FCHO2: variants seen among roughly 807,000 people sequenced by gnomAD.
FCHO2 encodes FCH and mu domain containing endocytic adaptor 2.
Under a neutral mutation model 114.1 loss-of-function variants are expected in FCHO2, and 43 were observed. That is an observed-to-expected ratio of 0.38 (90% CI 0.30 to 0.49). The LOEUF is 0.49. Ranked by LOEUF, FCHO2 falls within the 20% of genes least tolerant of loss-of-function variation. The pLI is 0.97. For synonymous variants in FCHO2, 293 were observed against 315.2 expected (o/e 0.93, Z 0.75); for missense variants, 807 against 950.4 (o/e 0.85, Z 1.98).
intron 2 of FCHO2, 144 bp downstream of exon 2, chr5:72,968,733 GTATC>G: frequency 1.6e-6 from 1 of 608,882 alleles, no homozygotes. Context: ...CTATCTATTT[GTATC>G]TATCATCTAC....
chr5:73,080,088 G>T (rs1743042358), intron 22 of FCHO2, among the ~76,000 whole-genome samples: 1 of 152,138 alleles, frequency 6.6e-6, no homozygotes, highest in East Asian at 1.9e-4. Flanking sequence ...TGTGGGAAAA[G>T]TATTTACGAC....
At chr5:73,080,932 G>T (rs980336407) in intron 22 of FCHO2, among the ~76,000 whole-genome samples, 1 of 152,002 alleles carries the variant, frequency 6.6e-6, no homozygotes, top group African/African-American at 2.4e-5. Flanking sequence ...GCAATAAAAA[G>T]AAACCCCATC....
intron 1 of FCHO2, among the ~76,000 whole-genome samples, chr5:72,956,591 C>T (rs1751558187): frequency 6.6e-6 from 1 of 152,168 alleles, no homozygotes; most frequent in Non-Finnish European, 1.5e-5. Flanking sequence ...CTGAGCGATC[C>T]CTTTTACCTC....
At chr5:72,986,643 A>G (rs1480640617) in intron 2 of FCHO2, among the ~76,000 whole-genome samples, 1 of 152,162 alleles carries the variant, frequency 6.6e-6, no homozygotes, top group African/African-American at 2.4e-5. Flanking sequence ...TGTGTCAATA[A>G]TCTTATTCAC....
chr5:73,017,426 G>A (rs1755364662), intron 8 of FCHO2, 118 bp downstream of exon 8: 2 of 524,194 alleles, frequency 3.8e-6, no homozygotes, highest in Non-Finnish European at 6.3e-6. Flanking sequence ...CATATCTGAA[G>A]TTAAAAATAT....
At chr5:73,004,870 AT>A (rs1754634333) in intron 5 of FCHO2, among the ~76,000 whole-genome samples, 1 of 152,196 alleles carries the variant, frequency 6.6e-6, no homozygotes, top group South Asian at 2.1e-4. Context: ...ACTGTGCCTA[AT>A]TTATAAATTA....
At chr5:72,984,389 G>C (rs1753392144) in intron 2 of FCHO2, among the ~76,000 whole-genome samples, 1 of 152,068 alleles carries the variant, frequency 6.6e-6, no homozygotes, top group African/African-American at 2.4e-5. Context: ...AAGTTTGTTG[G>C]CTTCATAAAA....
intron 22 of FCHO2, among the ~76,000 whole-genome samples, chr5:73,080,004 G>A (rs1743039213): frequency 6.6e-6 from 1 of 152,206 alleles, no homozygotes; most frequent in South Asian, 2.1e-4. Context: ...AGAAGAGAAT[G>A]AGATATTTGA....
chr5:73,005,490 T>TA (rs1754666663), intron 5 of FCHO2, among the ~76,000 whole-genome samples: 1 of 152,184 alleles, frequency 6.6e-6, no homozygotes, highest in African/African-American at 2.4e-5. Context: ...ACCCATCTGT[T>TA]ACCTCGTCAA....
chr5:73,046,566 TA>T (rs1269644563), intron 11 of FCHO2, among the ~76,000 whole-genome samples: 1 of 152,208 alleles, frequency 6.6e-6, no homozygotes, highest in Non-Finnish European at 1.5e-5. Context: ...TCTGGGAGAC[TA>T]AATACCTGGT....
At chr5:72,983,248 G>A (rs1420714952) in intron 2 of FCHO2, among the ~76,000 whole-genome samples, 1 of 152,112 alleles carries the variant, frequency 6.6e-6, no homozygotes, top group African/African-American at 2.4e-5. Context: ...GGATACATGT[G>A]CAGAATGTGC....
chr5:73,006,340 T>C, intron 5 of FCHO2, 105 bp from the exon 6 acceptor site: 2 of 644,366 alleles, frequency 3.1e-6, no homozygotes, highest in East Asian at 3.4e-5. Flanking sequence ...ATATGTCATA[T>C]TGAACTCTTA....
At chr5:73,068,542 A>T in intron 18 of FCHO2, 108 bp from the exon 19 acceptor site, 1 of 1,119,896 alleles carries the variant, frequency 8.9e-7, no homozygotes, top group Non-Finnish European at 1.3e-6. Flanking sequence ...CAAGAAACTC[A>T]CACAGTAAAT....
intron 2 of FCHO2, among the ~76,000 whole-genome samples, chr5:72,982,921 C>CT (rs1246752833): frequency 2.2e-4 from 29 of 132,598 alleles, no homozygotes; most frequent in African/African-American, 2.7e-4. Context: ...GCATTTGTTC[C>CT]TTTTTTTTTT....
chr5:73,041,762 TGTTTTATTTTAAAGAAGG>T (rs1416690584), intron 11 of FCHO2, among the ~76,000 whole-genome samples: 2 of 152,130 alleles, frequency 1.3e-5, no homozygotes, highest in Non-Finnish European at 2.9e-5. Flanking sequence ...CTGTGCTTTT[TGTTTTATTTTAAAGAAGG>T]GTTGCTTATA....
At chr5:73,018,527 T>C (rs1209413981) in intron 8 of FCHO2, among the ~76,000 whole-genome samples, 4 of 151,616 alleles carry the variant, frequency 2.6e-5, no homozygotes, top group Admixed American at 2.0e-4. Flanking sequence ...TTTCTTCTTT[T>C]TTTTTTTTTT....
At chr5:73,027,891 A>G (rs1241438311) in intron 8 of FCHO2, among the ~76,000 whole-genome samples, 1 of 152,150 alleles carries the variant, frequency 6.6e-6, no homozygotes, top group Non-Finnish European at 1.5e-5. Context: ...ATAGAGTGAT[A>G]AAAATTTAAA....
chr5:73,072,847 G>A (rs888742630), intron 19 of FCHO2, among the ~76,000 whole-genome samples: 3 of 151,946 alleles, frequency 2.0e-5, no homozygotes, highest in Non-Finnish European at 2.9e-5. Flanking sequence ...AATTCATACC[G>A]GTGAACTGTA....
intron 2 of FCHO2, among the ~76,000 whole-genome samples, chr5:72,987,379 C>A (rs1247659882): frequency 6.6e-6 from 1 of 151,962 alleles, no homozygotes; most frequent in Admixed American, 6.6e-5. Context: ...CTCTTGTTGC[C>A]CAGGCTGGAG....
Sources: allele counts gnomAD v4.1 joint callset (sites outside exome capture counted in the v4.1 genomes callset), GRCh38; gene constraint gnomAD v4.1.1; transcripts MANE v1.5; gene names NCBI Gene and HGNC (gene_info 2026-07-23, HGNC 2026-07-21).